TTLL5: variants seen among roughly 807,000 people sequenced by gnomAD.
The protein encoded by TTLL5 is tubulin polyglutamylase TTLL5.
TTLL5 carries 132 observed loss-of-function variants against 168.4 expected under a neutral mutation model. That is an observed-to-expected ratio of 0.78 (90% CI 0.68 to 0.91). The LOEUF (loss-of-function observed/expected upper bound fraction) is 0.91, where lower values mean the gene tolerates loss of function less well. Among genes scored for constraint, TTLL5 ranks in the 40% least tolerant of loss-of-function variants. The probability of loss-of-function intolerance (pLI) is 0.00; values close to 1 mark genes in which losing one functional copy is unlikely to be tolerated. For missense variants in TTLL5, 1,545 were observed against 1,581.5 expected (o/e 0.98, Z 0.39); for synonymous variants, 546 against 558.6 (o/e 0.98, Z 0.32).
At chr14:75,734,941 A>G (rs1888789275) in intron 14 of TTLL5, among the ~76,000 whole-genome samples, 1 of 152,144 alleles carries the variant, frequency 6.6e-6, no homozygotes, top group Non-Finnish European at 1.5e-5. Flanking sequence ...TCTCTTTCTC[A>G]CTCAGAATCA....
chr14:75,734,800 G>A (rs1009893667), intron 14 of TTLL5, among the ~76,000 whole-genome samples: 1 of 152,190 alleles, frequency 6.6e-6, no homozygotes, highest in Non-Finnish European at 1.5e-5. Context: ...CTGTTCACTT[G>A]CTTTTGTAAA....
chr14:75,923,341 G>A (rs1202508518), intron 31 of TTLL5, among the ~76,000 whole-genome samples: 1 of 151,928 alleles, frequency 6.6e-6, no homozygotes, highest in African/African-American at 2.4e-5. Flanking sequence ...TCTCTTGTGG[G>A]CATTTAGTGC....
chr14:75,706,773 T>A (rs976494045), intron 7 of TTLL5, among the ~76,000 whole-genome samples: 5 of 151,436 alleles, frequency 3.3e-5, no homozygotes, highest in African/African-American at 9.7e-5. Flanking sequence ...TTTATTTATT[T>A]ATTATTTATT....
At chr14:75,749,953 A>C (rs912737757) in intron 17 of TTLL5, among the ~76,000 whole-genome samples, 1 of 152,112 alleles carries the variant, frequency 6.6e-6, no homozygotes, top group Non-Finnish European at 1.5e-5. Flanking sequence ...CTTTATTCCT[A>C]ATAATAATCT....
intron 31 of TTLL5, among the ~76,000 whole-genome samples, chr14:75,913,253 T>C (rs902343602): frequency 1.2e-4 from 18 of 152,172 alleles, no homozygotes; most frequent in African/African-American, 3.4e-4. Context: ...TTCCTCTGCC[T>C]AGGCACCATC....
intron 29 of TTLL5, among the ~76,000 whole-genome samples, chr14:75,878,772 A>G (rs1006864397): frequency 4.6e-5 from 7 of 152,166 alleles, no homozygotes; most frequent in Admixed American, 3.9e-4. Flanking sequence ...AAACATCAGT[A>G]TCTAAGGTCC....
At chr14:75,934,767 G>A (rs2034384779) in intron 31 of TTLL5, among the ~76,000 whole-genome samples, 1 of 152,148 alleles carries the variant, frequency 6.6e-6, no homozygotes, top group African/African-American at 2.4e-5. Flanking sequence ...GACAATCTTG[G>A]CTGATGGAGA....
Position 75,930,140 on chromosome 14 carries a change from C to A in TTLL5, c.3824-24284C>A, listed in dbSNP as rs113249903. On this transcript the variant is annotated intron_variant, in intron 31 of 31. Transcript: ENST00000298832. ...TCTCCTGTGGCCTTGCTTGTATGGTCTATTAATTATTCTTTGAATAACTAA... is the reference window on the plus strand; with the variant it reads ...TCTCCTGTGGCCTTGCTTGTATGGTATATTAATTATTCTTTGAATAACTAA... 1.5e-4 allele frequency among the ~76,000 whole-genome samples: 23 copies of A among 152,212 alleles called. 1 individual carries two copies. Among genetic ancestry groups the A allele is most frequent in the African/African-American group, 5.3e-4 (22 of 41,542 alleles).
intron 28 of TTLL5, among the ~76,000 whole-genome samples, chr14:75,840,035 T>C (rs998961633): frequency 1.3e-5 from 2 of 152,204 alleles, no homozygotes; most frequent in Non-Finnish European, 2.9e-5. Context: ...CTGTTGACAA[T>C]GTAACCCTTG....
In TTLL5 at chr14:75,882,680, T is replaced by G; in HGVS notation, c.3523-5T>G. The G allele has an allele frequency of 1.2e-6, 2 of 1,603,324 alleles. No individual in the cohort carries two copies. The highest frequency in any genetic ancestry group is 2.2e-5 in the East Asian group (1 of 44,736). ...TCGATCATTTTTTTCCTTTTTTTTT[T>G]GTAGGCAATCTTTGGCAGCCAGACA... On this transcript the variant is annotated splice_polypyrimidine_tract_variant and splice_region_variant and intron_variant, in intron 29 of 31. Coordinates refer to ENST00000298832, the MANE Select transcript of TTLL5 (RefSeq NM_015072.5).
chr14:75,682,397 C>T (rs925364501), intron 4 of TTLL5, among the ~76,000 whole-genome samples: 3 of 152,070 alleles, frequency 2.0e-5, no homozygotes, highest in African/African-American at 7.2e-5. Flanking sequence ...GCATGGCTGG[C>T]ACCGAGGAGG....
intron 7 of TTLL5, among the ~76,000 whole-genome samples, chr14:75,701,610 G>A (rs942017328): frequency 6.6e-6 from 1 of 152,188 alleles, no homozygotes; most frequent in Admixed American, 6.5e-5. Flanking sequence ...TCCCTCTTGG[G>A]CAGAGCTACC....
At chr14:75,683,686 T>C (rs1884800344) in intron 5 of TTLL5, 30 bp downstream of exon 5, 1 of 1,566,174 alleles carries the variant, frequency 6.4e-7, no homozygotes, top group Non-Finnish European at 8.8e-7. Context: ...CTTTGCTTCA[T>C]TTAAAGGTAC....
chr14:75,699,280 C>T lies in TTLL5; in HGVS notation c.585+10C>T, dbSNP rs750021762. The T allele has an allele frequency of 2.5e-6, 4 of 1,610,568 alleles. No individual in the cohort carries two copies. The Admixed American group carries it at 6.7e-5, about 27-fold the overall frequency. ...CTACCTGATCAACAATGTAAGTATGCAGCAGATGGCAAACCTCTCTCCTCA... is the reference window on the plus strand; with the variant it reads ...CTACCTGATCAACAATGTAAGTATGTAGCAGATGGCAAACCTCTCTCCTCA... On this transcript the variant is annotated intron_variant, in intron 7 of 31. Transcript: ENST00000298832.
At chr14:75,752,785 C>T in intron 17 of TTLL5, 108 bp from the exon 18 acceptor site, 2 of 915,734 alleles carry the variant, frequency 2.2e-6, no homozygotes, top group Non-Finnish European at 3.3e-6. Context: ...TCATTAAAAA[C>T]AGTATATAAG....
chr14:75,707,122 C>G, intron 8 of TTLL5, 35 bp downstream of exon 8: 1 of 1,547,988 alleles, frequency 6.5e-7, no homozygotes, highest in Non-Finnish European at 8.9e-7. Context: ...CAAATTGGGC[C>G]AGATTTTTGC....
intron 29 of TTLL5, among the ~76,000 whole-genome samples, chr14:75,874,045 G>A (rs900293431): frequency 6.6e-6 from 1 of 151,826 alleles, no homozygotes; most frequent in African/African-American, 2.4e-5. Context: ...AGAATAAAAA[G>A]CATGATTAAT....
intron 24 of TTLL5, among the ~76,000 whole-genome samples, chr14:75,781,980 A>T (rs919598666): frequency 2.3e-5 from 3 of 132,324 alleles, no homozygotes; most frequent in African/African-American, 5.4e-5. Flanking sequence ...AAAAAAAAAA[A>T]GCTGAGGAGT....
intron 27 of TTLL5, among the ~76,000 whole-genome samples, chr14:75,807,182 G>T (rs146290730): frequency 6.6e-6 from 1 of 152,140 alleles, no homozygotes; most frequent in African/African-American, 2.4e-5. Flanking sequence ...GTGCAGTGGC[G>T]CACTCCTATA....
Sources: gnomAD v4.1 joint callset for allele counts (sites outside exome capture counted in the v4.1 genomes callset) on GRCh38, gnomAD v4.1.1 for gene constraint, MANE v1.5 for transcripts, NCBI Gene and HGNC (gene_info 2026-07-23, HGNC 2026-07-21) for gene names.